Variants in NEBL observed in about 807,000 individuals in gnomAD.
The protein encoded by NEBL is LIM and SH3 protein 2.
Under a neutral mutation model 140.2 loss-of-function variants are expected in NEBL, and 122 were observed. That is an observed-to-expected ratio of 0.87 (90% CI 0.75 to 1.01). The LOEUF is 1.01. Among genes scored for constraint, NEBL ranks in the 50% least tolerant of loss-of-function variants. The probability of loss-of-function intolerance (pLI) is 0.00; values close to 1 mark genes in which losing one functional copy is unlikely to be tolerated. For missense variants in NEBL, 1,365 were observed against 1,231.3 expected, an observed-to-expected ratio of 1.11 and a Z score of -1.62; for synonymous variants, 436 against 398.9, an observed-to-expected ratio of 1.09 and a Z score of -1.11.
At chr10:20,819,357 A>T in intron 20 of NEBL, 67 bp downstream of exon 20, 2 of 1,608,532 alleles carry the variant, frequency 1.2e-6, no homozygotes, top group South Asian at 2.2e-5. Flanking sequence ...GGCCTTCCAA[A>T]GGGCATATTT....
intron 2 of NEBL, among the ~76,000 whole-genome samples, chr10:21,078,965 C>T (rs1836239928): frequency 6.6e-6 from 1 of 152,224 alleles, no homozygotes; most frequent in East Asian, 1.9e-4. Context: ...CCATGAAGAA[C>T]TTCATTAAGC....
At chr10:21,193,630 G>T (rs1257190948) in intron 3 of NEBL, among the ~76,000 whole-genome samples, 1 of 152,096 alleles carries the variant, frequency 6.6e-6, no homozygotes, top group Non-Finnish European at 1.5e-5. Context: ...GGGAGAAAAA[G>T]GTATGAATTC....
rs867035258 is a variant in NEBL at position 21,169,093 on chromosome 10, T to A, written c.164+3290A>T. 8.6e-4 allele frequency among the ~76,000 whole-genome samples: 103 copies of A among 119,796 alleles called. 1 individual carries two copies. The highest frequency in any genetic ancestry group is 2.9e-3 in the African/African-American group (98 of 33,292). The allele number at this position is 119,796 out of a possible 152,430, so 78.6% of individuals were successfully genotyped here. A position where few individuals can be genotyped will look rare whatever the true frequency, so the allele number is the denominator to read the frequency against. On this transcript the variant is annotated intron_variant, in intron 2 of 6. Coordinates refer to the NEBL transcript ENST00000417816. The stretch of plus-strand genomic sequence containing the variant: ...ATATATATATATATATATATATATA[T>A]ATATATATATATATTTGGACATATA...
At chr10:21,018,206 A>G (rs1332102765) in intron 3 of NEBL, among the ~76,000 whole-genome samples, 1 of 152,170 alleles carries the variant, frequency 6.6e-6, no homozygotes, top group Non-Finnish European at 1.5e-5. Flanking sequence ...CAGACACCCT[A>G]TAAATTTATG....
rs150241602 is a variant in NEBL, at chr10:21,033,025, A to C, written c.165-12824T>G. On this transcript the variant is annotated intron_variant, in intron 2 of 6. Transcript: ENST00000417816. ...GAGAAATTAATACACACACACACAC[A>C]CCTACATATTGTTTAAGAAAAATAT... 8.3e-3 allele frequency among the ~76,000 whole-genome samples: 1,269 copies of C among 152,272 alleles called. 9 individuals are homozygous for C. The highest frequency in any genetic ancestry group is 9.3e-3 in the Non-Finnish European group (634 of 68,024).
intron 6 of NEBL, among the ~76,000 whole-genome samples, chr10:20,869,109 T>C (rs1844645598): frequency 6.6e-6 from 1 of 152,190 alleles, no homozygotes; most frequent in South Asian, 2.1e-4. Context: ...TATAGTTTCG[T>C]TTATTCTCAG....
chr10:21,225,206 G>A (rs1842128001), intron 3 of NEBL, among the ~76,000 whole-genome samples: 2 of 152,162 alleles, frequency 1.3e-5, no homozygotes, highest in Non-Finnish European at 2.9e-5. Flanking sequence ...ACAAGGCAGA[G>A]ACTCTTTTTC....
intron 1 of NEBL, among the ~76,000 whole-genome samples, chr10:21,276,966 C>CAA (rs112120986): frequency 9.2e-5 from 13 of 141,244 alleles, no homozygotes; most frequent in South Asian, 6.7e-4. Context: ...GAGACTGTCT[C>CAA]AAAAAAAAAA....
At chr10:21,163,309 C>T (rs1840632054) in intron 2 of NEBL, among the ~76,000 whole-genome samples, 1 of 152,128 alleles carries the variant, frequency 6.6e-6, no homozygotes, top group Non-Finnish European at 1.5e-5. Flanking sequence ...GCAGGAAATG[C>T]ATGAAGCTCA....
chr10:20,933,698 C>T (rs1025289839), intron 4 of NEBL, among the ~76,000 whole-genome samples: 8 of 152,182 alleles, frequency 5.3e-5, no homozygotes, highest in African/African-American at 1.9e-4. Context: ...CACACCATTG[C>T]ATTGCATCCA....
In NEBL at chr10:21,229,005, C is replaced by T. The variant is rs965127884; in HGVS notation, n.348+18916G>A. ...GGATAAATTAGGACATGAAGCAGAG[C>T]TCCCACCAACCCATAGTGGACATAG... On this transcript the variant is annotated intron_variant and non_coding_transcript_variant, in intron 3 of 8. Transcript: ENST00000675702. 2.0e-5 allele frequency among the ~76,000 whole-genome samples: 3 copies of T among 152,032 alleles called. 1 individual carries two copies. In the South Asian group the frequency reaches 6.2e-4, roughly 31 times the overall value.
chr10:20,850,874 C>T (rs551216152), intron 10 of NEBL, among the ~76,000 whole-genome samples: 25 of 152,238 alleles, frequency 1.6e-4, no homozygotes, highest in Non-Finnish European at 3.5e-4. Context: ...CTTGAGGTTG[C>T]ATTGATGTCT....
chr10:20,966,071 A>T (rs1310242810), intron 3 of NEBL, among the ~76,000 whole-genome samples: 1 of 152,232 alleles, frequency 6.6e-6, no homozygotes, highest in Non-Finnish European at 1.5e-5. Flanking sequence ...GTCAAATGTG[A>T]GAAATTCATG....
chr10:21,000,151 C>T (rs1159209824), intron 3 of NEBL, among the ~76,000 whole-genome samples: 1 of 131,208 alleles, frequency 7.6e-6, no homozygotes, highest in African/African-American at 2.9e-5. Context: ...AAGGAAAAAG[C>T]CAGGCAGAGG....
chr10:21,252,623 A>T (rs901123182), intron 1 of NEBL, among the ~76,000 whole-genome samples: 2 of 152,182 alleles, frequency 1.3e-5, no homozygotes, highest in Admixed American at 1.3e-4. Flanking sequence ...AAGGGGCCAC[A>T]TCGAAGCATA....
At chr10:20,847,509 TGAAAG>T (rs1842059568) in intron 11 of NEBL, among the ~76,000 whole-genome samples, 1 of 151,934 alleles carries the variant, frequency 6.6e-6, no homozygotes, top group African/African-American at 2.4e-5. Context: ...GATTTATCAG[TGAAAG>T]GAAAGTTATC....
At chr10:21,147,981 G>A (rs180947866) in intron 2 of NEBL, among the ~76,000 whole-genome samples, 1 of 152,254 alleles carries the variant, frequency 6.6e-6, no homozygotes, top group Admixed American at 6.5e-5. Flanking sequence ...AAAAAATAAC[G>A]GAACTCTTCG....
chr10:21,016,950 T>C (rs1838579380), intron 3 of NEBL, among the ~76,000 whole-genome samples: 1 of 152,228 alleles, frequency 6.6e-6, no homozygotes, highest in Non-Finnish European at 1.5e-5. Context: ...CTACTTATAC[T>C]TAATGCCAAA....
intron 1 of NEBL, among the ~76,000 whole-genome samples, chr10:21,263,689 G>C (rs1429741801): frequency 6.6e-6 from 1 of 152,220 alleles, no homozygotes; most frequent in Non-Finnish European, 1.5e-5. Context: ...AACTGGCCAG[G>C]CACAGTGGCT....
Sources: allele counts gnomAD v4.1 joint callset (sites outside exome capture counted in the v4.1 genomes callset), GRCh38; gene constraint gnomAD v4.1.1; transcripts MANE v1.5; gene names NCBI Gene and HGNC (gene_info 2026-07-23, HGNC 2026-07-21).